The following FAM81A variants were observed in gnomAD, a reference collection of about 807,000 sequenced individuals.
FAM81A encodes protein FAM81A.
In FAM81A, 19 loss-of-function variants were observed where a neutral mutation model predicts 46.7. That is an observed-to-expected ratio of 0.41 (90% confidence interval 0.28 to 0.60). The LOEUF (loss-of-function observed/expected upper bound fraction) is 0.60, where lower values mean the gene tolerates loss of function less well. FAM81A is among the 20% of genes least tolerant of loss of function. The pLI is 0.34. For synonymous variants in FAM81A, 183 were observed against 152.9 expected (o/e 1.20, Z -1.45); for missense variants, 377 against 453.5 (o/e 0.83, Z 1.53).
Position 59,518,117 on chromosome 15 carries a change from C to T in FAM81A, c.982+1277C>T, listed in dbSNP as rs188601186. On this transcript the variant is annotated intron_variant, in intron 8 of 8. Coordinates refer to ENST00000288228, the MANE Select transcript of FAM81A (RefSeq NM_152450.3). ...CCTCCTGAGTAGCTGGGATTACAGG[C>T]GCCTGACATCACGGCCGGCTAATTT... 4.8e-3 allele frequency among the ~76,000 whole-genome samples: 722 copies of T among 150,594 alleles called. 4 individuals carry two copies. The highest frequency in any genetic ancestry group is 0.017 in the African/African-American group (679 of 41,004).
At chr15:59,406,386 T>A (rs984799614) in intron 2 of FAM81A, among the ~76,000 whole-genome samples, 4 of 152,218 alleles carry the variant, frequency 2.6e-5, no homozygotes, top group African/African-American at 9.6e-5. Context: ...TTATTTCAGT[T>A]CACATGGTTT....
chr15:59,505,512 G>GAA (rs555139851), intron 4 of FAM81A, among the ~76,000 whole-genome samples: 12 of 133,802 alleles, frequency 9.0e-5, no homozygotes, highest in Admixed American at 1.5e-4. Flanking sequence ...ACTCTGTCTC[G>GAA]AAAAAAAAAA....
intron 2 of FAM81A, among the ~76,000 whole-genome samples, chr15:59,427,103 A>G (rs991332978): frequency 5.9e-5 from 9 of 151,658 alleles, no homozygotes; most frequent in Non-Finnish European, 1.3e-4. Flanking sequence ...TCTTGGTTTT[A>G]TTTTATTTTA....
chr15:59,455,799 G>A (rs1281962967), intron 1 of FAM81A, among the ~76,000 whole-genome samples: 4 of 152,208 alleles, frequency 2.6e-5, no homozygotes, highest in Admixed American at 2.0e-4. Flanking sequence ...CAGAGAAGGG[G>A]ATGCCAAAGT....
intron 3 of FAM81A, among the ~76,000 whole-genome samples, chr15:59,474,263 G>GTA (rs1382937574): frequency 1.3e-5 from 2 of 152,204 alleles, no homozygotes; most frequent in East Asian, 3.8e-4. Flanking sequence ...TGCTGTCATA[G>GTA]TATATTTGTG....
intron 3 of FAM81A, among the ~76,000 whole-genome samples, chr15:59,474,889 G>A (rs947757823): frequency 3.7e-4 from 57 of 152,222 alleles, no homozygotes; most frequent in African/African-American, 8.9e-4. Context: ...AGCTCTTCTA[G>A]AACCTGATCT....
chr15:59,521,395 G>T lies in FAM81A; in HGVS notation c.*17G>T. The T allele has an allele frequency of 1.3e-6, 2 of 1,591,016 alleles. No homozygotes were observed. The highest frequency in any genetic ancestry group is 1.7e-6 in the Non-Finnish European group (2 of 1,168,326). ...CCCATGTGAAGGGAGCTGGGACAAG[G>T]TCCTAAAAGACAGTTTTGCCAGTGG... On this transcript the variant is annotated 3_prime_UTR_variant, in exon 9 of 9. Transcript: ENST00000288228.
chr15:59,509,423 C>T lies in FAM81A; in HGVS notation c.650+454C>T, dbSNP rs141139976. Among the ~76,000 whole-genome samples the T allele has an allele frequency of 8.1e-3, 1,236 of 152,148 alleles. 15 individuals carry two copies. The highest frequency in any genetic ancestry group is 0.027 in the African/African-American group (1,136 of 41,492). ...TTCATGTCCTAATCCCTGGAAGTTG[C>T]GAATATATTACCTTATATGGCAAAA... On this transcript the variant is annotated intron_variant, in intron 6 of 8. Transcript: ENST00000288228.
At chr15:59,424,939 A>G (rs1033991617) in intron 2 of FAM81A, among the ~76,000 whole-genome samples, 3 of 152,176 alleles carry the variant, frequency 2.0e-5, no homozygotes, top group African/African-American at 7.2e-5. Flanking sequence ...CTCTGCTTAA[A>G]CCATTCCATG....
At chr15:59,424,705 C>G (rs1271867798) in intron 2 of FAM81A, among the ~76,000 whole-genome samples, 1 of 152,226 alleles carries the variant, frequency 6.6e-6, no homozygotes, top group Non-Finnish European at 1.5e-5. Flanking sequence ...TCTCTTTCCT[C>G]TTTTCCTGCA....
chr15:59,512,239 G>T (rs1213521968), intron 6 of FAM81A, among the ~76,000 whole-genome samples: 1 of 151,956 alleles, frequency 6.6e-6, no homozygotes, highest in African/African-American at 2.4e-5. Flanking sequence ...AGCACTGTGG[G>T]AGGCCAAGGC....
At chr15:59,425,900 A>G (rs149376188) in intron 2 of FAM81A, among the ~76,000 whole-genome samples, 183 of 152,344 alleles carry the variant, frequency 1.2e-3, no homozygotes, top group African/African-American at 4.3e-3. Context: ...GTTTACAGGC[A>G]TAAGCCACTG....
chr15:59,522,290 G>C lies in FAM81A; in HGVS notation c.*912G>C, dbSNP rs2082335594. 2 of 152,574 alleles carry C rather than the reference G, an allele frequency of 1.3e-5. No homozygotes were observed. Among genetic ancestry groups the C allele is most frequent in the South Asian group, 4.1e-4 (2 of 4,830 alleles). The allele number at this position is 152,574 out of a possible 1,614,324, so 9.5% of individuals were successfully genotyped here. On this transcript the variant is annotated 3_prime_UTR_variant, in exon 9 of 9. Coordinates refer to ENST00000288228, the MANE Select transcript of FAM81A (RefSeq NM_152450.3). ...ATCGTAACTGTATTTTTGTGCCTTG[G>C]TTTTATCATGTCAATGCACTGTACT... is the stretch of plus-strand genomic sequence containing the variant.
chr15:59,417,715 CA>C (rs2081153105), intron 2 of FAM81A, among the ~76,000 whole-genome samples: 1 of 151,700 alleles, frequency 6.6e-6, no homozygotes, highest in South Asian at 2.1e-4. Context: ...ACTCTGTCTC[CA>C]AAATAAATAC....
rs8026618 is a variant in FAM81A, at chr15:59,432,433, A to G, written c.-77-26117A>G. Among the ~76,000 whole-genome samples the G allele has an allele frequency of 1.1e-3, 162 of 152,376 alleles. 2 individuals are homozygous for G. The highest frequency in any genetic ancestry group is 3.8e-3 in the African/African-American group (158 of 41,584). ...TGTCCTTGGGGAAGACAGGGGAATG[A>G]AAACAACATTTATTTAGTTCTCACT... On this transcript the variant is annotated intron_variant, in intron 2 of 4. Coordinates refer to the FAM81A transcript ENST00000558348.
At chr15:59,418,724 A>G (rs1475377658) in intron 2 of FAM81A, among the ~76,000 whole-genome samples, 1 of 152,204 alleles carries the variant, frequency 6.6e-6, no homozygotes, top group African/African-American at 2.4e-5. Flanking sequence ...GAAGCCAGAC[A>G]AGCATGTGTT....
intron 2 of FAM81A, among the ~76,000 whole-genome samples, chr15:59,417,696 C>A (rs543090301): frequency 6.6e-6 from 1 of 152,104 alleles, no homozygotes; most frequent in African/African-American, 2.4e-5. Context: ...GCCTGGGCAA[C>A]AGAGTGAGAC....
At chr15:59,434,738 G>A (rs577958518), upstream of FAM81A, among the ~76,000 whole-genome samples, 3 of 152,266 alleles carry the variant, frequency 2.0e-5, no homozygotes, top group East Asian at 1.9e-4. Context: ...AATGGATCTC[G>A]ACAAACCACG....
intron 3 of FAM81A, among the ~76,000 whole-genome samples, chr15:59,470,223 C>G (rs547523043): frequency 2.6e-5 from 4 of 152,224 alleles, no homozygotes; most frequent in Admixed American, 6.5e-5. Context: ...TTGTGGTGTT[C>G]TCTGTATTTC....
Sources: allele counts gnomAD v4.1 joint callset (sites outside exome capture counted in the v4.1 genomes callset), GRCh38; gene constraint gnomAD v4.1.1; transcripts MANE v1.5; gene names NCBI Gene and HGNC (gene_info 2026-07-23, HGNC 2026-07-21).